The following TSPAN18 variants were observed in gnomAD, a reference collection of about 807,000 sequenced individuals.
TSPAN18 encodes the protein tetraspanin-18.
A neutral mutation model predicts 27.3 loss-of-function variants in TSPAN18; 14 were observed. The ratio of observed to expected loss-of-function variants is 0.51; its 90% CI spans 0.34 to 0.80. TSPAN18 has a LOEUF of 0.80. Among genes scored for constraint, TSPAN18 ranks in the 30% least tolerant of loss-of-function variants. The probability of loss-of-function intolerance (pLI) is 0.01; values close to 1 mark genes in which losing one functional copy is unlikely to be tolerated. For missense variants in TSPAN18, 268 were observed against 323.9 expected (o/e 0.83, Z 1.32); for synonymous variants, 143 against 136.5 (o/e 1.05, Z -0.33).
intron 2 of TSPAN18, among the ~76,000 whole-genome samples, chr11:44,847,992 G>C (rs1205572741): frequency 2.0e-5 from 1 of 50,530 alleles, no homozygotes; most frequent in Admixed American, 2.5e-4. Context: ...TGCCACTGTG[G>C]CTGGCTAATT....
intron 8 of TSPAN18, among the ~76,000 whole-genome samples, chr11:44,924,154 C>T (rs372215380): frequency 6.9e-6 from 1 of 144,234 alleles, no homozygotes; most frequent in Admixed American, 7.0e-5. Flanking sequence ...TGACACCCAA[C>T]TCTATGCTCA....
At chr11:44,897,861 G>T in intron 3 of TSPAN18, 1 of 1,289,332 alleles carries the variant, frequency 7.8e-7, no homozygotes, top group Non-Finnish European at 1.0e-6. Flanking sequence ...TCCCTTCTCA[G>T]TGTACCTCTG....
At chr11:44,765,023 C>T (rs1855534911) in intron 2 of TSPAN18, among the ~76,000 whole-genome samples, 2 of 152,204 alleles carry the variant, frequency 1.3e-5, no homozygotes, top group South Asian at 4.1e-4. Context: ...AAGCCTTGGT[C>T]TGTTTCGGAG....
At chr11:44,749,628 CT>C in intron 1 of TSPAN18, among the ~76,000 whole-genome samples, 2 of 124,502 alleles carry the variant, frequency 1.6e-5, no homozygotes, top group South Asian at 5.2e-4. Context: ...GAACGTGGAA[CT>C]TTCTTTTTTT....
chr11:44,768,441 T>C (rs1233766377), intron 2 of TSPAN18, among the ~76,000 whole-genome samples: 1 of 152,238 alleles, frequency 6.6e-6, no homozygotes, highest in Non-Finnish European at 1.5e-5. Flanking sequence ...CTTTTCTATA[T>C]TAACTTCCTA....
chr11:44,842,628 G>T (rs751280563), intron 2 of TSPAN18, among the ~76,000 whole-genome samples: 2 of 152,140 alleles, frequency 1.3e-5, no homozygotes, highest in Non-Finnish European at 1.5e-5. Flanking sequence ...AAGAAACTGA[G>T]CATGAAGTCC....
At chr11:44,824,059 C>T (rs991207140) in intron 2 of TSPAN18, among the ~76,000 whole-genome samples, 1 of 152,220 alleles carries the variant, frequency 6.6e-6, no homozygotes, top group Non-Finnish European at 1.5e-5. Context: ...CCCAGCTCCA[C>T]CTCCTGCTGT....
At chr11:44,742,742 T>A (rs1362006135) in intron 1 of TSPAN18, among the ~76,000 whole-genome samples, 1 of 152,236 alleles carries the variant, frequency 6.6e-6, no homozygotes, top group African/African-American at 2.4e-5. Context: ...TGACTCAGGC[T>A]TGGTACCGCT....
At chr11:44,913,556 C>G (rs1859800156) in intron 5 of TSPAN18, among the ~76,000 whole-genome samples, 1 of 152,008 alleles carries the variant, frequency 6.6e-6, no homozygotes, top group Admixed American at 6.6e-5. Flanking sequence ...GCAAGCTCAA[C>G]TGGAAAAAAG....
At chr11:44,765,790 TA>T (rs1855555724) in intron 2 of TSPAN18, among the ~76,000 whole-genome samples, 1 of 152,244 alleles carries the variant, frequency 6.6e-6, no homozygotes, top group African/African-American at 2.4e-5. Flanking sequence ...CCATGTCCTG[TA>T]AAAACATAAA....
At chr11:44,793,134 G>C (rs373057128) in intron 2 of TSPAN18, among the ~76,000 whole-genome samples, 15 of 152,324 alleles carry the variant, frequency 9.8e-5, no homozygotes, top group African/African-American at 3.1e-4. Context: ...CACCTCCTGG[G>C]TTAAAGTGAT....
At chr11:44,805,093 C>T (rs1330759415) in intron 2 of TSPAN18, among the ~76,000 whole-genome samples, 5 of 152,192 alleles carry the variant, frequency 3.3e-5, no homozygotes, top group Non-Finnish European at 5.9e-5. Flanking sequence ...GGGGGTCCTC[C>T]CAACCATGGG....
chr11:44,850,138 CG>C (rs1857566648), intron 2 of TSPAN18, among the ~76,000 whole-genome samples: 1 of 152,176 alleles, frequency 6.6e-6, no homozygotes, highest in South Asian at 2.1e-4. Flanking sequence ...CAGCTGAAGC[CG>C]CTCCTGCTCC....
Position 44,851,615 on chromosome 11 carries a change from T to TCCCCCCCC in TSPAN18, c.-152-8711_-152-8704dup, listed in dbSNP as rs35373492. Among the ~76,000 whole-genome samples, 343 of 122,368 alleles carry TCCCCCCCC rather than the reference T, an allele frequency of 2.8e-3. 3 individuals are homozygous for TCCCCCCCC. Among genetic ancestry groups the TCCCCCCCC allele is most frequent in the Non-Finnish European group, 4.8e-3 (267 of 55,234 alleles). The allele number at this position is 122,368 out of a possible 152,430, so 80.3% of individuals were successfully genotyped here. Reference sequence around the variant, plus strand: ...TGTTAGCCCAGGTACTCTTGTCACCTCCCCCCCCCAACGGCTGGGTCCCTG... The same window carrying TCCCCCCCC: ...TGTTAGCCCAGGTACTCTTGTCACCTCCCCCCCCCCCCCCCCCAACGGCTGGGTCCCTG... On this transcript the variant is annotated intron_variant, in intron 2 of 9. Coordinates refer to ENST00000520358, the MANE Select transcript of TSPAN18 (RefSeq NM_130783.5).
intron 3 of TSPAN18, among the ~76,000 whole-genome samples, chr11:44,898,200 G>A (rs550142474): frequency 1.2e-4 from 18 of 152,304 alleles, no homozygotes; most frequent in African/African-American, 2.2e-4. Context: ...AGCACATAGC[G>A]TATGTGCTGT....
At chr11:44,782,682 A>G (rs761274862) in intron 2 of TSPAN18, among the ~76,000 whole-genome samples, 1 of 152,174 alleles carries the variant, frequency 6.6e-6, no homozygotes, top group South Asian at 2.1e-4. Flanking sequence ...TGCTATGGTC[A>G]GCTTTTGAGT....
At chr11:44,792,878 G>A (rs964851421) in intron 2 of TSPAN18, among the ~76,000 whole-genome samples, 1 of 152,178 alleles carries the variant, frequency 6.6e-6, no homozygotes, top group African/African-American at 2.4e-5. Context: ...GGAAATCCAG[G>A]GTTTGCAGGA....
intron 2 of TSPAN18, among the ~76,000 whole-genome samples, chr11:44,800,370 G>T (rs1856453199): frequency 1.3e-5 from 2 of 152,172 alleles, no homozygotes; most frequent in Non-Finnish European, 2.9e-5. Flanking sequence ...GCGGATCTGG[G>T]GTTGGAGCCT....
At chr11:44,884,978 CAGTGTTAATTTGTA>C (rs1248084030) in intron 3 of TSPAN18, among the ~76,000 whole-genome samples, 3 of 152,216 alleles carry the variant, frequency 2.0e-5, no homozygotes, top group African/African-American at 7.2e-5. Flanking sequence ...AGATCCTGCC[CAGTGTTAATTTGTA>C]ACTAAAGTGG....
Sources: gnomAD v4.1 joint callset for allele counts (sites outside exome capture counted in the v4.1 genomes callset) on GRCh38, gnomAD v4.1.1 for gene constraint, MANE v1.5 for transcripts, NCBI Gene and HGNC (gene_info 2026-07-23, HGNC 2026-07-21) for gene names.